Variants in PLCE1 observed in about 807,000 individuals in gnomAD.
PLCE1 encodes the protein 1-phosphatidylinositol 4,5-bisphosphate phosphodiesterase epsilon-1.
In PLCE1, 119 loss-of-function variants were observed where a neutral mutation model predicts 242.8. The observed-to-expected ratio is 0.49, with a 90% confidence interval of 0.42 to 0.57. The LOEUF is 0.57. Among genes scored for constraint, PLCE1 ranks in the 20% least tolerant of loss-of-function variants. PLCE1 has a pLI of 0.00. For missense variants in PLCE1, 2,441 were observed against 2,788.8 expected, an observed-to-expected ratio of 0.88 and a Z score of 2.81; for synonymous variants, 945 against 1,017.4, an observed-to-expected ratio of 0.93 and a Z score of 1.35.
chr10:94,236,053 G>A lies in PLCE1; in HGVS notation c.2353G>A (p.Glu785Lys), dbSNP rs376994717. 2.4e-5 allele frequency: 38 copies of A among 1,613,924 alleles called. No homozygotes were observed. Among genetic ancestry groups the A allele is most frequent in the African/African-American group, 5.3e-5 (4 of 74,918 alleles). ...RSCNRSLETD[E>K]EDSPSEGNSS... ...CTGCAATCGAAGTCTGGAGACAGACGAGGAGGACAGCCCCAGTGAAGGAAA... is the reference window on the plus strand; with the variant it reads ...CTGCAATCGAAGTCTGGAGACAGACAAGGAGGACAGCCCCAGTGAAGGAAA... The change falls in exon 7 of 33, where the codon GAG (glutamate) becomes AAG (lysine). Residue 785 changes from glutamate to lysine, a missense_variant. By Grantham distance (56) the Glu-to-Lys change is moderately conservative (BLOSUM62 1). Transcript: ENST00000371380.
rs575501279 is a variant in PLCE1, at chr10:94,328,761, T to A, written c.*818T>A. 6.6e-6 allele frequency: 1 copy of A among 152,352 alleles called. No individual in the cohort carries two copies. Among genetic ancestry groups the A allele is most frequent in the South Asian group, 2.1e-4 (1 of 4,826 alleles). 9.4% of individuals were successfully genotyped at this position (152,352 alleles called of 1,614,324 possible). A position where few individuals can be genotyped will look rare whatever the true frequency, so the allele number is the denominator to read the frequency against. On this transcript the variant is annotated 3_prime_UTR_variant, in exon 33 of 33. Transcript: ENST00000371380. The stretch of plus-strand genomic sequence containing the variant: ...CACTCCTCTTTAGGATTTTTTTACA[T>A]ATAGAAATAATATTGGGTTTTTTTT...
intron 2 of PLCE1, chr10:94,107,907 T>C (rs1216792062): frequency 6.6e-6 from 1 of 152,092 alleles, no homozygotes; most frequent in Non-Finnish European, 1.5e-5. Context: ...TATTTATTTA[T>C]TTTTTTTAAA....
chr10:94,110,172 C>T (rs1212065341), intron 2 of PLCE1, among the ~76,000 whole-genome samples: 1 of 139,454 alleles, frequency 7.2e-6, no homozygotes, highest in Non-Finnish European at 1.5e-5. Flanking sequence ...ATGCCATTCT[C>T]CTGCCTCAGC....
chr10:94,224,077 T>G (rs2049855583), intron 4 of PLCE1, among the ~76,000 whole-genome samples: 1 of 150,334 alleles, frequency 6.7e-6, no homozygotes. Context: ...CCGTGAGGCT[T>G]GTAAACAGAT....
At chr10:94,113,917 T>C (rs1488100788) in intron 2 of PLCE1, among the ~76,000 whole-genome samples, 3 of 152,226 alleles carry the variant, frequency 2.0e-5, no homozygotes, top group East Asian at 1.9e-4. Context: ...ATGGGCATCG[T>C]TGAAGATAAT....
intron 8 of PLCE1, among the ~76,000 whole-genome samples, chr10:94,249,169 C>T (rs541251906): frequency 2.0e-5 from 3 of 152,272 alleles, no homozygotes; most frequent in South Asian, 4.1e-4. Flanking sequence ...CTACATGAGC[C>T]ATTTATGAAG....
At chr10:94,138,465 C>A (rs1490639771) in intron 3 of PLCE1, 4 of 437,026 alleles carry the variant, frequency 9.2e-6, no homozygotes, top group Admixed American at 2.6e-5. Flanking sequence ...GATAATGAAT[C>A]CTGTGAGGCC....
At chr10:94,211,712 T>A (rs2049335674) in intron 4 of PLCE1, among the ~76,000 whole-genome samples, 2 of 152,216 alleles carry the variant, frequency 1.3e-5, no homozygotes, top group Admixed American at 1.3e-4. Flanking sequence ...AATGACATAT[T>A]GATTCTGGAT....
At chr10:94,187,289 TA>T (rs1305873707) in intron 4 of PLCE1, among the ~76,000 whole-genome samples, 3 of 152,008 alleles carry the variant, frequency 2.0e-5, no homozygotes, top group African/African-American at 7.3e-5. Flanking sequence ...GAAGGGAGTT[TA>T]GGGGTAACCA....
Position 94,262,669 on chromosome 10 carries a change from C to T in PLCE1, c.3990C>T (p.Asn1330=), listed in dbSNP as rs368399893. The change falls in exon 14 of 33, where the codon AAC becomes AAT. Residue 1330 remains asparagine (N), a synonymous_variant. Coordinates refer to ENST00000371380, the MANE Select transcript of PLCE1 (RefSeq NM_016341.4). ...TTGGGGTGGGCATACTTCAGCTCAACGATTTCCTCGTGAATTGCCAAGGAG... is the reference window on the plus strand; with the variant it reads ...TTGGGGTGGGCATACTTCAGCTCAATGATTTCCTCGTGAATTGCCAAGGAG... ...GIFGVGILQL[N]DFLVNCQGEH... 4.6e-5 allele frequency: 75 copies of T among 1,614,024 alleles called. No individual in the cohort carries two copies. Among genetic ancestry groups the T allele is most frequent in the African/African-American group, 1.9e-4 (14 of 75,028 alleles).
chr10:94,230,819 G>A (rs990009418), intron 5 of PLCE1, among the ~76,000 whole-genome samples: 2 of 151,426 alleles, frequency 1.3e-5, no homozygotes, highest in African/African-American at 4.9e-5. Context: ...ATGTTTCCCA[G>A]GCTGGTCTGG....
intron 1 of PLCE1, among the ~76,000 whole-genome samples, chr10:94,019,959 A>C (rs1411280911): frequency 6.6e-6 from 1 of 152,198 alleles, no homozygotes; most frequent in Admixed American, 6.5e-5. Context: ...TTGTGAATAA[A>C]GTTGCTATAA....
chr10:94,145,705 G>T (rs548752544), intron 3 of PLCE1, among the ~76,000 whole-genome samples: 1 of 152,018 alleles, frequency 6.6e-6, no homozygotes, highest in South Asian at 2.1e-4. Flanking sequence ...TTCAGCTCTA[G>T]CCTCATTTCC....
intron 4 of PLCE1, among the ~76,000 whole-genome samples, chr10:94,197,480 T>C (rs2048856891): frequency 6.6e-6 from 1 of 152,210 alleles, no homozygotes; most frequent in Non-Finnish European, 1.5e-5. Context: ...TCCACATTCC[T>C]ATCAACACTT....
At chr10:94,093,588 A>C (rs1366375607) in intron 2 of PLCE1, among the ~76,000 whole-genome samples, 1 of 152,238 alleles carries the variant, frequency 6.6e-6, no homozygotes, top group Admixed American at 6.5e-5. Flanking sequence ...AAAACTAATC[A>C]GCTTTTGAGT....
At chr10:94,239,295 G>T (rs936110227) in intron 7 of PLCE1, among the ~76,000 whole-genome samples, 8 of 152,164 alleles carry the variant, frequency 5.3e-5, no homozygotes, top group African/African-American at 1.9e-4. Flanking sequence ...TGAATCACGG[G>T]GGCGGTTTCT....
At chr10:94,020,070 A>G (rs1446349936) in intron 1 of PLCE1, among the ~76,000 whole-genome samples, 2 of 152,232 alleles carry the variant, frequency 1.3e-5, no homozygotes, top group African/African-American at 4.8e-5. Flanking sequence ...GCTTAACTTT[A>G]TAAGAAACTG....
intron 1 of PLCE1, among the ~76,000 whole-genome samples, chr10:94,019,924 T>G (rs926806648): frequency 6.6e-6 from 1 of 152,216 alleles, no homozygotes; most frequent in Non-Finnish European, 1.5e-5. Context: ...TGGTAGACTT[T>G]TGGGTTGTTT....
chr10:94,282,931 G>C (rs1291633119), intron 20 of PLCE1, among the ~76,000 whole-genome samples: 1 of 152,078 alleles, frequency 6.6e-6, no homozygotes, highest in East Asian at 1.9e-4. Context: ...ATACTTCTGT[G>C]AATACAAATG....
Sources: allele counts gnomAD v4.1 joint callset (sites outside exome capture counted in the v4.1 genomes callset), GRCh38; gene constraint gnomAD v4.1.1; transcripts MANE v1.5; gene names NCBI Gene and HGNC (gene_info 2026-07-23, HGNC 2026-07-21).